The following FILIP1 variants were observed in gnomAD, a reference collection of about 807,000 sequenced individuals.
The protein encoded by FILIP1 is filamin-A-interacting protein 1.
In FILIP1, 61 loss-of-function variants were observed where a neutral mutation model predicts 102.1. The ratio of observed to expected loss-of-function variants is 0.60; its 90% CI spans 0.49 to 0.74. The LOEUF (loss-of-function observed/expected upper bound fraction) is 0.74. FILIP1 is among the 30% of genes least tolerant of loss of function. The probability of loss-of-function intolerance (pLI) is 0.00; values close to 1 mark genes in which losing one functional copy is unlikely to be tolerated. For synonymous variants in FILIP1, 491 were observed against 526.9 expected, an observed-to-expected ratio of 0.93 and a Z score of 0.93; for missense variants, 1,314 against 1,441.2, an observed-to-expected ratio of 0.91 and a Z score of 1.43.
At chr6:75,370,861 G>A (rs1775497663) in intron 2 of FILIP1, among the ~76,000 whole-genome samples, 1 of 152,064 alleles carries the variant, frequency 6.6e-6, no homozygotes, top group Admixed American at 6.5e-5. Context: ...ACAGGCATGA[G>A]CTACTGTGCC....
At chr6:75,388,761 T>C (rs886072957) in intron 2 of FILIP1, among the ~76,000 whole-genome samples, 1 of 152,242 alleles carries the variant, frequency 6.6e-6, no homozygotes, top group Non-Finnish European at 1.5e-5. Flanking sequence ...CTTTATCAGC[T>C]TAAGGAGTTT....
chr6:75,339,811 G>A (rs114184557), intron 4 of FILIP1, among the ~76,000 whole-genome samples: 3 of 152,004 alleles, frequency 2.0e-5, no homozygotes, highest in Non-Finnish European at 4.4e-5. Context: ...AGCCAGGCAC[G>A]GTGGTGGGCA....
chr6:75,452,159 G>C (rs891962191), intron 1 of FILIP1, among the ~76,000 whole-genome samples: 2 of 150,560 alleles, frequency 1.3e-5, no homozygotes, highest in African/African-American at 4.9e-5. Flanking sequence ...TGCACAACCT[G>C]CAGGTTTGTT....
At chr6:75,328,576 C>T (rs1773953604) in intron 4 of FILIP1, among the ~76,000 whole-genome samples, 1 of 152,208 alleles carries the variant, frequency 6.6e-6, no homozygotes, top group Admixed American at 6.5e-5. Flanking sequence ...GCAACTTCGG[C>T]CTCCCGGGTT....
intron 1 of FILIP1, among the ~76,000 whole-genome samples, chr6:75,419,396 GTTTTA>G (rs1777376226): frequency 6.6e-6 from 1 of 151,946 alleles, no homozygotes; most frequent in Non-Finnish European, 1.5e-5. Context: ...TCTGTTCCTG[GTTTTA>G]TTTTATCTAT....
At chr6:75,440,842 G>C (rs1230717275) in intron 1 of FILIP1, among the ~76,000 whole-genome samples, 3 of 151,972 alleles carry the variant, frequency 2.0e-5, no homozygotes, top group African/African-American at 7.3e-5. Flanking sequence ...CCAGCTACTT[G>C]GGAGGCTGAG....
At chr6:75,464,374 C>T (rs147314387) in intron 1 of FILIP1, among the ~76,000 whole-genome samples, 35 of 152,212 alleles carry the variant, frequency 2.3e-4, no homozygotes, top group African/African-American at 7.0e-4. Flanking sequence ...CCTAACATAG[C>T]GTTGATATTA....
At chr6:75,307,731 C>T (rs1016616737), downstream of FILIP1, among the ~76,000 whole-genome samples, 2 of 152,196 alleles carry the variant, frequency 1.3e-5, no homozygotes, top group Admixed American at 6.5e-5. Flanking sequence ...CACACACACA[C>T]ATACACACCC....
At chr6:75,417,044 A>G (rs1239993354) in intron 1 of FILIP1, among the ~76,000 whole-genome samples, 1 of 152,108 alleles carries the variant, frequency 6.6e-6, no homozygotes, top group Non-Finnish European at 1.5e-5. Context: ...GTATTATATT[A>G]ATGGCTTTTA....
chr6:75,411,701 G>A (rs148729149), intron 2 of FILIP1, among the ~76,000 whole-genome samples: 6,845 of 152,148 alleles, frequency 0.045, 186 homozygotes, highest in African/African-American at 0.064. Context: ...GTTTTTGTCA[G>A]GTTTGTCAAA....
intron 2 of FILIP1, among the ~76,000 whole-genome samples, chr6:75,407,522 G>T (rs577148417): frequency 6.6e-6 from 1 of 152,256 alleles, no homozygotes; most frequent in Non-Finnish European, 1.5e-5. Context: ...CACCGCGCCC[G>T]ACCTTATAAA....
chr6:75,365,826 C>T (rs1472509879), intron 2 of FILIP1, among the ~76,000 whole-genome samples: 1 of 152,082 alleles, frequency 6.6e-6, no homozygotes, highest in African/African-American at 2.4e-5. Flanking sequence ...TTCATCATTC[C>T]TTATTCCCCA....
chr6:75,376,901 T>G lies in FILIP1; in HGVS notation c.277-13984A>C, dbSNP rs1298965530. Among the ~76,000 whole-genome samples the G allele has an allele frequency of 5.3e-5, 8 of 152,306 alleles. No individual in the cohort carries two copies. In the South Asian group the frequency reaches 1.7e-3, roughly 32 times the overall value. ...CCCTCCCTAATTCAAAAATTTGGAC[T>G]ACACTGTGTAGAGTCTGCAGTTCCC... On this transcript the variant is annotated intron_variant, in intron 2 of 5. Coordinates refer to ENST00000237172, the MANE Select transcript of FILIP1 (RefSeq NM_015687.5).
At chr6:75,449,940 T>C (rs1034693324) in intron 1 of FILIP1, among the ~76,000 whole-genome samples, 1 of 152,030 alleles carries the variant, frequency 6.6e-6, no homozygotes, top group Non-Finnish European at 1.5e-5. Context: ...TTTAAACAAT[T>C]TTCTTTTTTT....
At chr6:75,294,461 C>T (rs1202022478) in exon 7 of FILIP1, 1 of 151,744 alleles carries the variant, frequency 6.6e-6, no homozygotes, top group Non-Finnish European at 1.5e-5. Flanking sequence ...AGTATATTAC[C>T]AGGGTTTCAA....
chr6:75,451,122 C>T (rs891392398), intron 1 of FILIP1, among the ~76,000 whole-genome samples: 10 of 151,796 alleles, frequency 6.6e-5, no homozygotes, highest in African/African-American at 2.4e-4. Context: ...AAGCCATTGA[C>T]TTGCCATGAT....
At chr6:75,305,647 C>T (rs1772964775), downstream of FILIP1, among the ~76,000 whole-genome samples, 1 of 152,194 alleles carries the variant, frequency 6.6e-6, no homozygotes, top group Non-Finnish European at 1.5e-5. Flanking sequence ...CATATCGAAA[C>T]ATTTCTGGAA....
chr6:75,295,804 C>T (rs1772651165), exon 7 of FILIP1: 1 of 641,852 alleles, frequency 1.6e-6, no homozygotes, highest in African/African-American at 1.9e-5. Flanking sequence ...AAAATATTTC[C>T]AGTAGTGATC....
At position 75,362,911 on chromosome 6, in the gene FILIP1, C is replaced by G; in HGVS notation, c.283G>C (p.Glu95Gln). 9 of 1,613,812 alleles carry G rather than the reference C, an allele frequency of 5.6e-6. No homozygotes were observed. The highest frequency in any genetic ancestry group is 7.6e-6 in the Non-Finnish European group (9 of 1,179,978). ...GTCTTCAGCATGTGGATCACATCTTCTCTGGCCTGTAATAGAAAGTGCAGC... is the reference window on the plus strand; with the variant it reads ...GTCTTCAGCATGTGGATCACATCTTGTCTGGCCTGTAATAGAAAGTGCAGC... ...SIMEGELQAR[E>Q]DVIHMLKTEK... Residue 95 changes from glutamate to glutamine, a missense_variant, in exon 3 of 6, where the codon GAA becomes CAA. Around this residue, in one of 3 missense-constraint regions of FILIP1, gnomAD observed 494 missense variants for 511.2 expected, o/e 0.97. Coordinates refer to ENST00000237172, the MANE Select transcript of FILIP1 (RefSeq NM_015687.5).
Sources: allele counts gnomAD v4.1 joint callset (sites outside exome capture counted in the v4.1 genomes callset), GRCh38; gene constraint gnomAD v4.1.1; regional missense constraint gnomAD v4.1.1; transcripts MANE v1.5; gene names NCBI Gene and HGNC (gene_info 2026-07-23, HGNC 2026-07-21).